Variants in HERC1 observed in about 807,000 individuals in gnomAD.
HERC1 encodes the protein HECT and RLD domain containing E3 ubiquitin protein ligase family member 1, also known as probable E3 ubiquitin-protein ligase HERC1.
In HERC1, 160 loss-of-function variants were observed where a neutral mutation model predicts 554.3. That is an observed-to-expected ratio of 0.29 (90% CI 0.25 to 0.33). The LOEUF is 0.33. Among genes scored for constraint, HERC1 ranks in the 10% least tolerant of loss-of-function variants. The pLI is 1.00. For synonymous variants in HERC1, 2,175 were observed against 2,131.7 expected (o/e 1.02, Z -0.56); for missense variants, 4,919 against 5,918.5 (o/e 0.83, Z 5.54).
chr15:63,664,798 A>G (rs2070535786), intron 42 of HERC1, among the ~76,000 whole-genome samples: 1 of 152,214 alleles, frequency 6.6e-6, no homozygotes, highest in African/African-American at 2.4e-5. Flanking sequence ...ACTTTGTCTG[A>G]TTTTGAATTC....
chr15:63,818,030 G>A (rs1430870953), intron 1 of HERC1, among the ~76,000 whole-genome samples: 8 of 151,820 alleles, frequency 5.3e-5, no homozygotes, highest in Non-Finnish European at 1.0e-4. Context: ...ATACCATAAG[G>A]AATCATTTGA....
At chr15:63,663,673 G>C (rs962450735) in intron 43 of HERC1, among the ~76,000 whole-genome samples, 1 of 152,090 alleles carries the variant, frequency 6.6e-6, no homozygotes, top group Non-Finnish European at 1.5e-5. Context: ...GGCCCAGGCT[G>C]GTCTCAAACT....
chr15:63,664,641 T>C, intron 42 of HERC1, 47 bp from the exon 43 acceptor site: 2 of 1,575,472 alleles, frequency 1.3e-6, no homozygotes, highest in Non-Finnish European at 1.7e-6. Flanking sequence ...GAAACCATTA[T>C]GGAAAGAAAG....
At chr15:63,725,216 G>T in intron 18 of HERC1, 76 bp downstream of exon 18, 2 of 1,293,776 alleles carry the variant, frequency 1.5e-6, no homozygotes, top group Non-Finnish European at 2.2e-6. Flanking sequence ...TCTCTATTTA[G>T]CAAATCAGAA....
At chr15:63,627,673 C>T (rs1386351322) in intron 70 of HERC1, among the ~76,000 whole-genome samples, 3 of 127,180 alleles carry the variant, frequency 2.4e-5, no homozygotes, top group East Asian at 2.2e-4. Context: ...GACTCTGTCT[C>T]GAAAAAAAAA....
intron 70 of HERC1, among the ~76,000 whole-genome samples, chr15:63,627,437 T>C (rs898278694): frequency 9.9e-5 from 15 of 152,046 alleles, no homozygotes; most frequent in Non-Finnish European, 2.1e-4. Context: ...TTTGGGACGC[T>C]GAGGCTTGAA....
chr15:63,653,422 G>A (rs2069818579), intron 51 of HERC1, among the ~76,000 whole-genome samples: 1 of 152,156 alleles, frequency 6.6e-6, no homozygotes, highest in African/African-American at 2.4e-5. Context: ...CAGTCTGGGT[G>A]AGACTCCGTT....
chr15:63,681,628 AC>A (rs1357897867), intron 34 of HERC1, among the ~76,000 whole-genome samples: 2 of 152,024 alleles, frequency 1.3e-5, no homozygotes, highest in African/African-American at 4.8e-5. Context: ...AAGGTGGCTC[AC>A]TGACCTAGAA....
At chr15:63,622,134 A>G (rs574148254) in intron 74 of HERC1, among the ~76,000 whole-genome samples, 2 of 152,290 alleles carry the variant, frequency 1.3e-5, no homozygotes, top group Non-Finnish European at 2.9e-5. Flanking sequence ...TGCAAATACT[A>G]AATTTTGTGA....
chr15:63,754,753 GA>G, intron 6 of HERC1, 105 bp from the exon 7 acceptor site: 1 of 1,144,052 alleles, frequency 8.7e-7, no homozygotes, highest in East Asian at 2.4e-5. Context: ...ATAGAATTGA[GA>G]TTTTTTTAAT....
intron 1 of HERC1, among the ~76,000 whole-genome samples, chr15:63,809,742 G>A (rs764348348): frequency 6.0e-5 from 9 of 149,126 alleles, no homozygotes; most frequent in Non-Finnish European, 8.9e-5. Flanking sequence ...ACAAAGTACT[G>A]TTTAAACTAA....
Position 63,718,978 on chromosome 15 carries a change from A to AAC in HERC1, c.3743-83_3743-82dup, listed in dbSNP as rs1004833949. On this transcript the variant is annotated intron_variant, in intron 19 of 77. Transcript: ENST00000443617. This position sits in a 1 kb window ranked among gnomAD's most constrained non-coding sequence, Gnocchi z 4.2. The stretch of plus-strand genomic sequence containing the variant: ...GTAATTTTTATAGCTTTAGTCATCC[A>AAC]ACACCTGAATTTTATCATCTTTCTA... 2.9e-5 allele frequency: 25 copies of AAC among 869,252 alleles called. No homozygotes were observed. The Admixed American group carries it at 6.1e-4, about 21-fold the overall frequency. The allele number at this position is 869,252 out of a possible 1,614,324, so 53.8% of individuals were successfully genotyped here.
intron 1 of HERC1, among the ~76,000 whole-genome samples, chr15:63,809,277 G>C (rs1288811388): frequency 1.3e-5 from 2 of 152,060 alleles, no homozygotes; most frequent in Non-Finnish European, 2.9e-5. Context: ...AATGAACCAA[G>C]GGTCAGTCCT....
intron 18 of HERC1, 68 bp downstream of exon 18, chr15:63,725,224 G>A (rs1027618493): frequency 2.5e-5 from 34 of 1,358,426 alleles, no homozygotes; most frequent in Non-Finnish European, 3.5e-5. Context: ...TAGCAAATCA[G>A]AATAGAGAAA....
intron 25 of HERC1, among the ~76,000 whole-genome samples, chr15:63,702,379 A>G (rs2072765466): frequency 6.6e-6 from 1 of 152,212 alleles, no homozygotes; most frequent in Non-Finnish European, 1.5e-5. Context: ...TATTTTAGCA[A>G]TAAAACCCTA....
intron 12 of HERC1, among the ~76,000 whole-genome samples, chr15:63,739,708 G>A (rs1200854758): frequency 6.6e-6 from 1 of 151,972 alleles, no homozygotes; most frequent in African/African-American, 2.4e-5. Flanking sequence ...GCATGGTGGT[G>A]TGCGCCTGCA....
intron 1 of HERC1, among the ~76,000 whole-genome samples, chr15:63,803,221 T>C (rs545510615): frequency 6.6e-6 from 1 of 152,164 alleles, no homozygotes; most frequent in East Asian, 1.9e-4. Flanking sequence ...TTTAAAAAAC[T>C]AATAAAAAGA....
At position 63,612,543 on chromosome 15, in the gene HERC1, C is replaced by T. The variant is rs1343080853; in HGVS notation, c.14108G>A (p.Arg4703Gln). 4 of 1,613,048 alleles carry T rather than the reference C, an allele frequency of 2.5e-6. No homozygotes were observed. Among genetic ancestry groups the T allele is most frequent in the Non-Finnish European group, 2.5e-6 (3 of 1,179,260 alleles). The change falls in exon 77 of 78, where the codon CGA becomes CAA. Residue 4703 changes from arginine to glutamine, a missense_variant. Transcript: ENST00000443617. The surrounding 1 kb of genome is among the most constrained non-coding windows in gnomAD (Gnocchi z 5.0). ...AGGAACAATCCAGGACATCCCTTCT[C>T]GGACTGCAGCCACCTGCTCCCGGGA... The part of the protein sequence containing the change: ...HEMDRQVAAV[R>Q]EGMSWIVPVP...
intron 38 of HERC1, among the ~76,000 whole-genome samples, 166 bp from the exon 39 acceptor site, chr15:63,672,860 C>T (rs1164223908): frequency 1.3e-5 from 2 of 152,154 alleles, no homozygotes; most frequent in African/African-American, 2.4e-5. Flanking sequence ...TACTTATATA[C>T]ATCTTTGTAT....
Sources: gnomAD v4.1 joint callset for allele counts (sites outside exome capture counted in the v4.1 genomes callset) on GRCh38, gnomAD v4.1.1 for gene constraint, Gnocchi (gnomAD v3.1) non-coding constraint, MANE v1.5 for transcripts, NCBI Gene and HGNC (gene_info 2026-07-23, HGNC 2026-07-21) for gene names.